PRRT4: variants seen among roughly 807,000 people sequenced by gnomAD.
PRRT4 encodes proline-rich transmembrane protein 4.
Under a neutral mutation model 55.6 loss-of-function variants are expected in PRRT4, and 59 were observed. That is an observed-to-expected ratio of 1.06 (90% CI 0.86 to 1.32). PRRT4 has a LOEUF of 1.32. Among genes scored for constraint, PRRT4 ranks in the 40% most tolerant of loss-of-function variants. The probability of loss-of-function intolerance (pLI) is 0.00; values close to 1 mark genes in which losing one functional copy is unlikely to be tolerated. For missense variants in PRRT4, 1,217 were observed against 1,222.0 expected (o/e 1.00, Z 0.06); for synonymous variants, 606 against 601.8 (o/e 1.01, Z -0.10).
chr7:128,351,798 G>T (rs961138817), exon 5 of PRRT4: 12 of 1,419,484 alleles, frequency 8.5e-6, no homozygotes, highest in Non-Finnish European at 1.1e-5. Context: ...CGGATTGGCC[G>T]CCGTAGCCCA....
Position 128,359,727 on chromosome 7 carries a change from C to T in PRRT4, c.265G>A (p.Val89Met), listed in dbSNP as rs377569131. Residue 89 changes from valine (V) to methionine (M), a missense_variant, in exon 2 of 5, where the codon GTG becomes ATG. Around this residue, in one of 3 missense-constraint regions of PRRT4, gnomAD observed 564 missense variants for 592.9 expected, o/e 0.95. Transcript: ENST00000535159. ...GGGTCAGTCCTCAGCCCACTGGCCA[C>T]CTCTTCCCCTGGCTCCTGGCCTGGC... The T allele has an allele frequency of 5.8e-6, 9 of 1,551,432 alleles. No individual in the cohort carries two copies. The African/African-American group carries it at 1.1e-4, about 19-fold the overall frequency.
chr7:128,357,469 C>T (rs868415750), intron 4 of PRRT4, among the ~76,000 whole-genome samples: 1 of 152,134 alleles, frequency 6.6e-6, no homozygotes, highest in South Asian at 2.1e-4. Context: ...GCGCTGTCAC[C>T]AAGGCCGACA....
At chr7:128,361,731 T>TCTCCTC (rs775740611), upstream of PRRT4, 51 of 149,534 alleles carry the variant, frequency 3.4e-4, no homozygotes, top group African/African-American at 1.1e-3. Context: ...CCGCGCCCTC[T>TCTCCTC]CTCCTCCTCC....
chr7:128,359,016 A>G (rs1460092217), intron 3 of PRRT4, 133 bp downstream of exon 4: 10 of 1,199,270 alleles, frequency 8.3e-6, no homozygotes, highest in Non-Finnish European at 1.2e-5. Flanking sequence ...CCGTGGAAGT[A>G]GTAGCCCATA....
chr7:128,359,207 C>T (rs1797180033), exon 3 of PRRT4: 2 of 1,551,754 alleles, frequency 1.3e-6, no homozygotes, highest in Admixed American at 2.0e-5. Flanking sequence ...CTGGGGGGCT[C>T]AGGCCGGAGA....
At chr7:128,350,405 GA>G (rs1046448224), downstream of PRRT4, 3 of 192,856 alleles carry the variant, frequency 1.6e-5, no homozygotes, top group Non-Finnish European at 3.2e-5. Flanking sequence ...ATGGGTCATG[GA>G]CCCCTGTGGG....
At chr7:128,355,417 C>T (rs1797092591) in intron 4 of PRRT4, among the ~76,000 whole-genome samples, 2 of 152,140 alleles carry the variant, frequency 1.3e-5, no homozygotes, top group African/African-American at 4.8e-5. Context: ...AGGCTGGTCT[C>T]GAACTCCTGA....
intron 4 of PRRT4, among the ~76,000 whole-genome samples, chr7:128,357,195 C>T (rs1276308071): frequency 2.0e-5 from 3 of 149,934 alleles, no homozygotes; most frequent in African/African-American, 4.9e-5. Flanking sequence ...TGTATGGTAA[C>T]TGCTTGATAC....
chr7:128,351,812 C>T (rs1796981537), exon 5 of PRRT4: 2 of 1,415,058 alleles, frequency 1.4e-6, no homozygotes, highest in Non-Finnish European at 1.8e-6. Flanking sequence ...TAGCCCAGGG[C>T]GTGCAGCACC....
exon 5 of PRRT4, chr7:128,351,634 G>T: frequency 6.6e-7 from 1 of 1,515,668 alleles, no homozygotes; most frequent in Non-Finnish European, 8.8e-7. Context: ...GTGGCCCGGG[G>T]ACAAGCGGAA....
chr7:128,360,300 G>A lies in PRRT4; in HGVS notation c.-72-237C>T, dbSNP rs961179667. ...CCCCCTCTGCTCATGCAGAAGCTGGGGTCTGACTGCAACCAGGGGCCCTCA... is the reference window on the plus strand; with the variant it reads ...CCCCCTCTGCTCATGCAGAAGCTGGAGTCTGACTGCAACCAGGGGCCCTCA... On this transcript the variant is annotated intron_variant, in intron 1 of 4. Transcript: ENST00000535159. 6.6e-5 allele frequency among the ~76,000 whole-genome samples: 10 copies of A among 152,284 alleles called. 1 individual carries two copies. The highest frequency in any genetic ancestry group is 2.4e-4 in the African/African-American group (10 of 41,548).
rs1264245745 is a variant in PRRT4 at position 128,358,726 on chromosome 7, G to A, written c.832C>T (p.Pro278Ser). Residue 278 changes from proline to serine, a missense_variant, in exon 4 of 5, where the codon CCA becomes TCA. Coordinates refer to ENST00000535159, the Ensembl canonical transcript of PRRT4. This position sits in a 1 kb window ranked among gnomAD's most constrained non-coding sequence, Gnocchi z 4.4. ...GAGGCAAAACTTAGGGAAGCAGCTG[G>A]GTCCAGAGGACTTGGGCTGGAGAGC... is the stretch of plus-strand genomic sequence containing the variant. The A allele has an allele frequency of 6.4e-7, 1 of 1,551,722 alleles. No homozygotes were observed. The highest frequency in any genetic ancestry group is 1.2e-5 in the South Asian group (1 of 84,062).
downstream of PRRT4, chr7:128,350,804 A>G: frequency 6.5e-7 from 1 of 1,533,662 alleles, no homozygotes; most frequent in Non-Finnish European, 8.8e-7. Flanking sequence ...GGTCTCGGGC[A>G]GGGCAGGCGC....
intron 1 of PRRT4, among the ~76,000 whole-genome samples, 195 bp downstream of exon 2, chr7:128,361,101 TCTCACACACA>T (rs1476293779): frequency 1.2e-4 from 14 of 118,294 alleles, no homozygotes; most frequent in South Asian, 2.8e-4. Context: ...TCTCTCTCTC[TCTCACACACA>T]CACACACACA....
At chr7:128,350,835 G>T (rs1237660995), downstream of PRRT4, 2 of 1,548,592 alleles carry the variant, frequency 1.3e-6, no homozygotes, top group Middle Eastern at 1.7e-4. Flanking sequence ...CATATCGCAG[G>T]GTAGCAAGGT....
Sources: allele counts gnomAD v4.1 joint callset (sites outside exome capture counted in the v4.1 genomes callset), GRCh38; gene constraint gnomAD v4.1.1; regional missense constraint gnomAD v4.1.1; non-coding constraint Gnocchi (gnomAD v3.1); transcripts MANE v1.5; gene names NCBI Gene and HGNC (gene_info 2026-07-23, HGNC 2026-07-21).